Variants in SSH3 observed in about 807,000 individuals in gnomAD.
SSH3 encodes protein phosphatase Slingshot homolog 3.
A neutral mutation model predicts 75.0 loss-of-function variants in SSH3; 67 were observed. The observed-to-expected ratio is 0.89, with a 90% CI of 0.73 to 1.10. The LOEUF is 1.10. Ranked by LOEUF, SSH3 falls within the 50% of genes least tolerant of loss-of-function variation. SSH3 has a pLI of 0.00. For missense variants in SSH3, 824 were observed against 872.7 expected, an observed-to-expected ratio of 0.94 and a Z score of 0.70; for synonymous variants, 318 against 349.2, an observed-to-expected ratio of 0.91 and a Z score of 1.00.
At position 67,306,896 on chromosome 11, in the gene SSH3, C is replaced by A. The variant is rs200495091; in HGVS notation, c.398C>A (p.Thr133Lys). 36 of 1,613,744 alleles carry A rather than the reference C, an allele frequency of 2.2e-5. No individual in the cohort carries two copies. In the African/African-American group the frequency reaches 4.5e-4, roughly 20 times the overall value. ...CTCCGCTACCTGCTGGTAGTTTCTA[C>A]ACGAGAAGGAGAAGGTCTGAGCCAG... ...PRLRYLLVVSTREGEGLSQDE... is the reference protein window; with the variant it reads ...PRLRYLLVVSKREGEGLSQDE... The change falls in exon 4 of 14, where the codon ACA (threonine) becomes AAA (lysine). Residue 133 changes from threonine to lysine, a missense_variant. Thr to Lys is a moderately conservative substitution (Grantham distance 78). Transcript: ENST00000308127.
chr11:67,309,565 C>A, intron 11 of SSH3, 22 bp downstream of exon 11: 1 of 1,611,224 alleles, frequency 6.2e-7, no homozygotes, highest in Non-Finnish European at 8.5e-7. Context: ...GGCTTTGCTG[C>A]CTGCCCCACT....
At chr11:67,304,656 G>C (rs1861180089) in intron 2 of SSH3, 117 bp from the exon 3 acceptor site, 1 of 1,045,710 alleles carries the variant, frequency 9.6e-7, no homozygotes, top group African/African-American at 1.6e-5. Flanking sequence ...CGACCGCGTG[G>C]GGGCCCATGA....
rs1861299070 is a variant in SSH3, at chr11:67,308,070, C to T, written c.886-104C>T. ...GGATGCCTTGGCCTTGGCCCTAATC[C>T]ATCTAGATGGGATAGGGTGCTGTCC... On this transcript the variant is annotated intron_variant, in intron 8 of 13. Coordinates refer to ENST00000308127, the MANE Select transcript of SSH3 (RefSeq NM_017857.4). This position sits in a 1 kb window ranked among gnomAD's most constrained non-coding sequence, Gnocchi z 4.9. The T allele has an allele frequency of 6.3e-7, 1 of 1,587,862 alleles. No individual in the cohort carries two copies. The highest frequency in any genetic ancestry group is 1.1e-5 in the South Asian group (1 of 87,058).
rs1590888616 is a variant in SSH3, at chr11:67,310,272, G to A, written c.1616G>A (p.Arg539Lys). ...RPRINLRGVM[R>K]SISLLEPSLE... is the part of the protein sequence containing the mutation. ...CGTATAAACCTCCGAGGGGTCATGA[G>A]GTCCATCAGTCTTCTGGAGCCCTCC... The change falls in exon 13 of 14, where the codon AGG becomes AAG. Residue 539 changes from arginine (R) to lysine (K), a missense_variant. Physicochemically the swap from Arg to Lys is conservative, Grantham distance 26. Coordinates refer to ENST00000308127, the MANE Select transcript of SSH3 (RefSeq NM_017857.4). 6.2e-7 allele frequency: 1 copy of A among 1,614,182 alleles called. No individual in the cohort carries two copies. The highest frequency in any genetic ancestry group is 8.5e-7 in the Non-Finnish European group (1 of 1,180,016).
intron 2 of SSH3, 61 bp downstream of exon 2, chr11:67,304,216 C>T (rs966779878): frequency 2.2e-6 from 3 of 1,338,820 alleles, no homozygotes; most frequent in South Asian, 1.2e-5. Flanking sequence ...CACGGCCGTC[C>T]TGGGCTCCAG....
In SSH3 at chr11:67,307,770, G is replaced by A. The variant is rs1173723332; in HGVS notation, c.791+33G>A. 1.2e-6 allele frequency: 2 copies of A among 1,613,740 alleles called. No homozygotes were observed. The highest frequency in any genetic ancestry group is 1.7e-6 in the Non-Finnish European group (2 of 1,179,968). On this transcript the variant is annotated intron_variant, in intron 7 of 13. Transcript: ENST00000308127. This position sits in a 1 kb window ranked among gnomAD's most constrained non-coding sequence, Gnocchi z 4.2. Reference sequence around the variant, plus strand: ...TGTGGAGGGGAGGGACTGGGTGGAGGGGAAGGCAGGATAATGCAGTGGGGG... The same window carrying A: ...TGTGGAGGGGAGGGACTGGGTGGAGAGGAAGGCAGGATAATGCAGTGGGGG...
Position 67,309,386 on chromosome 11 carries a change from C to T in SSH3, c.1062-11C>T, listed in dbSNP as rs532496856. 5.3e-5 allele frequency: 86 copies of T among 1,614,128 alleles called. No homozygotes were observed. The highest frequency in any genetic ancestry group is 3.8e-4 in the South Asian group (35 of 91,088). Reference sequence around the variant, plus strand: ...GCCCACATCAGCCTGGCCTTGGGCCCTCTGGGACAGGGTCACCCACATCTT... The same window carrying T: ...GCCCACATCAGCCTGGCCTTGGGCCTTCTGGGACAGGGTCACCCACATCTT... On this transcript the variant is annotated splice_polypyrimidine_tract_variant and intron_variant, in intron 10 of 13. Coordinates refer to ENST00000308127, the MANE Select transcript of SSH3 (RefSeq NM_017857.4).
chr11:67,307,218 CTCT>C lies in SSH3; in HGVS notation c.536+106_536+108del. 1 of 1,558,274 alleles carries C rather than the reference CTCT, an allele frequency of 6.4e-7. No homozygotes were observed. On this transcript the variant is annotated intron_variant, in intron 5 of 13. Transcript: ENST00000308127. The surrounding 1 kb of genome is among the most constrained non-coding windows in gnomAD (Gnocchi z 4.2). ...GGTACAGTAGAACTTTAGGCTGGGA[CTCT>C]GGGGCCTGCTCCCAGCTCCACGTCA...
chr11:67,307,144 G>C lies in SSH3; in HGVS notation c.536+31G>C. On this transcript the variant is annotated intron_variant, in intron 5 of 13. Coordinates refer to ENST00000308127, the MANE Select transcript of SSH3 (RefSeq NM_017857.4). This position sits in a 1 kb window ranked among gnomAD's most constrained non-coding sequence, Gnocchi z 4.2. ...CAATGGCAACTGGAGGTGGGGGCTG[G>C]AGGGTGGAATAACTGAGTGTGACGG... 6.2e-7 allele frequency: 1 copy of C among 1,610,836 alleles called. No individual in the cohort carries two copies. Among genetic ancestry groups the C allele is most frequent in the Non-Finnish European group, 8.5e-7 (1 of 1,179,612 alleles).
In SSH3 at chr11:67,309,885, C is replaced by A. The variant is rs141358249; in HGVS notation, c.1326C>A (p.His442Gln). The change falls in exon 12 of 14, where the codon CAC (histidine) becomes CAA (glutamine). Residue 442 changes from histidine to glutamine, a missense_variant. By Grantham distance (24) the His-to-Gln change is conservative. Transcript: ENST00000308127. ...YECSLEQALR[H>Q]VQELRPIARP... is the part of the protein sequence containing the mutation. The stretch of plus-strand genomic sequence containing the variant: ...GCAGCCTGGAGCAGGCCCTGCGCCA[C>A]GTGCAGGAGCTCCGGCCCATCGCCC... 1.2e-6 allele frequency: 2 copies of A among 1,612,278 alleles called. No individual in the cohort carries two copies. Among genetic ancestry groups the A allele is most frequent in the Admixed American group, 1.7e-5 (1 of 60,034 alleles).
intron 1 of SSH3, 55 bp from the exon 2 acceptor site, chr11:67,304,063 G>A: frequency 2.0e-6 from 3 of 1,535,748 alleles, no homozygotes; most frequent in Non-Finnish European, 2.6e-6. Context: ...CCTGAGAGAG[G>A]GGAGGGGACA....
chr11:67,303,786 A>C, intron 1 of SSH3, 95 bp downstream of exon 1: 2 of 1,302,244 alleles, frequency 1.5e-6, no homozygotes, highest in African/African-American at 1.6e-5. Context: ...GAACGGGGAC[A>C]TGAGGAGGGG....
chr11:67,304,034 C>T (rs962914656), intron 1 of SSH3, 84 bp from the exon 2 acceptor site: 2 of 1,492,928 alleles, frequency 1.3e-6, no homozygotes, highest in African/African-American at 2.8e-5. Context: ...CTTTTCTGGC[C>T]TCCCCCAACT....
intron 13 of SSH3, 54 bp downstream of exon 13, chr11:67,310,393 G>A: frequency 6.4e-7 from 1 of 1,551,994 alleles, no homozygotes; most frequent in Non-Finnish European, 8.7e-7. Flanking sequence ...CATAAGGAGG[G>A]AGATGGGGAA....
At chr11:67,305,163 G>A (rs1465910786) in intron 3 of SSH3, among the ~76,000 whole-genome samples, 156 bp downstream of exon 3, 1 of 152,084 alleles carries the variant, frequency 6.6e-6, no homozygotes, top group East Asian at 1.9e-4. Flanking sequence ...TGACCCTGCT[G>A]TTTCAGGCAG....
chr11:67,308,364 G>A lies in SSH3; in HGVS notation c.1015-48G>A. Reference sequence around the variant, plus strand: ...GGCAGCTGTGAGGGCGGCAGGCCAGGAGCAGAGGCTGGAGGAGAGGAGAAA... The same window carrying A: ...GGCAGCTGTGAGGGCGGCAGGCCAGAAGCAGAGGCTGGAGGAGAGGAGAAA... On this transcript the variant is annotated intron_variant, in intron 9 of 13. Transcript: ENST00000308127. This position sits in a 1 kb window ranked among gnomAD's most constrained non-coding sequence, Gnocchi z 4.9. 6.2e-7 allele frequency: 1 copy of A among 1,613,796 alleles called. No individual in the cohort carries two copies. Among genetic ancestry groups the A allele is most frequent in the Non-Finnish European group, 8.5e-7 (1 of 1,179,694 alleles).
At chr11:67,305,600 G>A (rs957153888) in intron 3 of SSH3, among the ~76,000 whole-genome samples, 2 of 152,170 alleles carry the variant, frequency 1.3e-5, no homozygotes, top group Non-Finnish European at 2.9e-5. Context: ...TCCAAGGGGT[G>A]GGAATTCCAG....
rs1458027512 is a variant in SSH3 at position 67,307,771 on chromosome 11, G to T, written c.791+34G>T. The T allele has an allele frequency of 6.2e-7, 1 of 1,613,870 alleles. No individual in the cohort carries two copies. The highest frequency in any genetic ancestry group is 1.1e-5 in the South Asian group (1 of 91,078). On this transcript the variant is annotated intron_variant, in intron 7 of 13. Transcript: ENST00000308127. The surrounding 1 kb of genome is among the most constrained non-coding windows in gnomAD (Gnocchi z 4.2). ...GTGGAGGGGAGGGACTGGGTGGAGGGGAAGGCAGGATAATGCAGTGGGGGG... is the reference window on the plus strand; with the variant it reads ...GTGGAGGGGAGGGACTGGGTGGAGGTGAAGGCAGGATAATGCAGTGGGGGG...
Position 67,310,256 on chromosome 11 carries a change from C to T in SSH3, c.1600C>T (p.Leu534Phe), listed in dbSNP as rs970349556. 1 of 1,614,220 alleles carries T rather than the reference C, an allele frequency of 6.2e-7. No homozygotes were observed. Among genetic ancestry groups the T allele is most frequent in the Non-Finnish European group, 8.5e-7 (1 of 1,180,046 alleles). The change falls in exon 13 of 14, where the codon CTC (leucine) becomes TTC (phenylalanine). Residue 534 changes from leucine (L) to phenylalanine (F), a missense_variant. Physicochemically the swap from Leu to Phe is conservative, Grantham distance 22 (BLOSUM62 0). Coordinates refer to ENST00000308127, the MANE Select transcript of SSH3 (RefSeq NM_017857.4). ...EEPGPRPRIN[L>F]RGVMRSISLL... ...GCCTGGGCCACGGCCACGTATAAAC[C>T]TCCGAGGGGTCATGAGGTCCATCAG...
Sources: allele counts gnomAD v4.1 joint callset (sites outside exome capture counted in the v4.1 genomes callset), GRCh38; gene constraint gnomAD v4.1.1; non-coding constraint Gnocchi (gnomAD v3.1); transcripts MANE v1.5; gene names NCBI Gene and HGNC (gene_info 2026-07-23, HGNC 2026-07-21).